Variants in PTPRG observed in about 807,000 individuals in gnomAD.
PTPRG encodes the protein protein tyrosine phosphatase receptor type G.
A neutral mutation model predicts 165.3 loss-of-function variants in PTPRG; 102 were observed. The observed-to-expected ratio is 0.62, with a 90% CI of 0.53 to 0.73. The LOEUF (loss-of-function observed/expected upper bound fraction) is 0.73. Ranked by LOEUF, PTPRG falls within the 30% of genes least tolerant of loss-of-function variation. The probability of loss-of-function intolerance (pLI) is 0.00; values close to 1 mark genes in which losing one functional copy is unlikely to be tolerated. For missense variants in PTPRG, 1,866 were observed against 1,861.4 expected, an observed-to-expected ratio of 1.00 and a Z score of -0.05; for synonymous variants, 675 against 669.5, an observed-to-expected ratio of 1.01 and a Z score of -0.13.
At chr3:61,727,401 C>G (rs1043875864) in intron 1 of PTPRG, among the ~76,000 whole-genome samples, 5 of 151,968 alleles carry the variant, frequency 3.3e-5, no homozygotes, top group Admixed American at 6.6e-5. Context: ...GGTGGTATGC[C>G]CAGCTCAGCC....
intron 2 of PTPRG, among the ~76,000 whole-genome samples, chr3:61,780,394 T>G (rs1044019559): frequency 6.6e-6 from 1 of 152,202 alleles, no homozygotes; most frequent in Non-Finnish European, 1.5e-5. Flanking sequence ...TTCCTGCTTG[T>G]GACTAAATCA....
chr3:61,996,404 G>A (rs771534040), intron 3 of PTPRG, among the ~76,000 whole-genome samples: 20 of 152,146 alleles, frequency 1.3e-4, no homozygotes, highest in Non-Finnish European at 2.5e-4. Context: ...CCATTGTGGA[G>A]TCATCATTCC....
At chr3:61,663,995 A>C (rs1417092364) in intron 1 of PTPRG, among the ~76,000 whole-genome samples, 1 of 152,214 alleles carries the variant, frequency 6.6e-6, no homozygotes, top group Non-Finnish European at 1.5e-5. Context: ...GCACTTACAC[A>C]GTAGGCAGGC....
chr3:62,191,577 A>G lies in PTPRG; in HGVS notation c.1142A>G (p.Tyr381Cys). The change falls in exon 9 of 30, where the codon TAC (tyrosine) becomes TGC (cysteine). Residue 381 changes from tyrosine to cysteine, a missense_variant. Physicochemically the swap from Tyr to Cys is radical, Grantham distance 194. Coordinates refer to ENST00000474889, the MANE Select transcript of PTPRG (RefSeq NM_002841.4). ...ETIYHPPIMN[Y>C]MISYSWTKNE... ...ATCTACCACCCACCCATCATGAACT[A>G]CATGATCTCCTACAGCTGGACCAAG... 1 of 1,613,984 alleles carries G rather than the reference A, an allele frequency of 6.2e-7. No individual in the cohort carries two copies. Among genetic ancestry groups the G allele is most frequent in the Non-Finnish European group, 8.5e-7 (1 of 1,179,854 alleles).
chr3:61,628,141 CCGA>C (rs1381858503), intron 1 of PTPRG, among the ~76,000 whole-genome samples: 1 of 152,096 alleles, frequency 6.6e-6, no homozygotes, highest in African/African-American at 2.4e-5. Flanking sequence ...TGTTGGAGTG[CCGA>C]CTGTGGATTT....
chr3:61,813,523 A>G (rs982963109), intron 2 of PTPRG, among the ~76,000 whole-genome samples: 7 of 142,946 alleles, frequency 4.9e-5, no homozygotes, highest in Non-Finnish European at 7.5e-5. Context: ...CTCAAAAAAA[A>G]AAAAAAGAAA....
chr3:62,050,068 A>G (rs992324427), intron 4 of PTPRG, among the ~76,000 whole-genome samples: 1 of 152,222 alleles, frequency 6.6e-6, no homozygotes. Flanking sequence ...AGTGTCTCTG[A>G]GTAGAGAAAT....
In PTPRG at chr3:62,222,570, C is replaced by G. The variant is rs1271809506; in HGVS notation, c.2288+3587C>G. Among the ~76,000 whole-genome samples, 1 of 152,140 alleles carries G rather than the reference C, an allele frequency of 6.6e-6. No homozygotes were observed. The highest frequency in any genetic ancestry group is 2.4e-5 in the African/African-American group (1 of 41,426). ...TGGAACATTCTTGTCAGGCCTAGGT[C>G]TTATATTTAACTCTGGAGCTCAGAA... On this transcript the variant is annotated intron_variant, in intron 13 of 29. Coordinates refer to ENST00000474889, the MANE Select transcript of PTPRG (RefSeq NM_002841.4). The surrounding 1 kb of genome is among the most constrained non-coding windows in gnomAD (Gnocchi z 4.5).
At chr3:61,665,459 T>TTTAA (rs1702784069) in intron 1 of PTPRG, among the ~76,000 whole-genome samples, 1 of 128,784 alleles carries the variant, frequency 7.8e-6, no homozygotes, top group African/African-American at 3.2e-5. Context: ...GATGGTGAAT[T>TTTAA]GTAAATAAAT....
intron 1 of PTPRG, among the ~76,000 whole-genome samples, chr3:61,715,294 G>C (rs945477496): frequency 6.6e-6 from 1 of 151,186 alleles, no homozygotes; most frequent in African/African-American, 2.4e-5. Context: ...ATGGCTCACT[G>C]TAGCCTCCAC....
At chr3:61,712,398 C>T (rs1181212105) in intron 1 of PTPRG, among the ~76,000 whole-genome samples, 2 of 151,916 alleles carry the variant, frequency 1.3e-5, no homozygotes, top group Non-Finnish European at 2.9e-5. Flanking sequence ...TCCCTTTCTT[C>T]CCCATTGATA....
At chr3:61,971,943 G>A (rs941113573) in intron 2 of PTPRG, among the ~76,000 whole-genome samples, 2 of 152,258 alleles carry the variant, frequency 1.3e-5, no homozygotes, top group African/African-American at 4.8e-5. Context: ...ATTGACCCAT[G>A]TGTATGCAGC....
chr3:62,018,938 T>C (rs903082344), intron 4 of PTPRG, among the ~76,000 whole-genome samples: 14 of 152,044 alleles, frequency 9.2e-5, no homozygotes, highest in Non-Finnish European at 1.5e-4. Context: ...GGTGTGCAAA[T>C]AGAGTGCAAG....
chr3:62,104,172 G>A (rs1702393758), intron 5 of PTPRG, among the ~76,000 whole-genome samples: 1 of 152,052 alleles, frequency 6.6e-6, no homozygotes, highest in African/African-American at 2.4e-5. Flanking sequence ...AACCTTCTAG[G>A]GATTTTTTTG....
chr3:62,181,211 A>C (rs915891112), intron 8 of PTPRG, among the ~76,000 whole-genome samples: 4 of 152,186 alleles, frequency 2.6e-5, no homozygotes, highest in Non-Finnish European at 5.9e-5. Context: ...GCAACTCCGC[A>C]CCAGGGTCCC....
intron 2 of PTPRG, among the ~76,000 whole-genome samples, chr3:61,898,053 C>G (rs991884468): frequency 6.6e-6 from 1 of 151,938 alleles, no homozygotes; most frequent in African/African-American, 2.4e-5. Flanking sequence ...CTCTTTTATG[C>G]CTTATTTTAG....
intron 1 of PTPRG, among the ~76,000 whole-genome samples, chr3:61,588,053 T>G (rs1402466812): frequency 6.6e-6 from 1 of 152,184 alleles, no homozygotes; most frequent in Non-Finnish European, 1.5e-5. Flanking sequence ...AAAGTCTTCT[T>G]AAATTAGGAA....
intron 1 of PTPRG, among the ~76,000 whole-genome samples, chr3:61,657,726 A>G (rs1702546512): frequency 1.3e-5 from 2 of 152,224 alleles, no homozygotes; most frequent in African/African-American, 4.8e-5. Flanking sequence ...GATAAATGAA[A>G]GGATCAGTAG....
At chr3:61,843,275 T>C (rs1318241092) in intron 2 of PTPRG, among the ~76,000 whole-genome samples, 1 of 152,160 alleles carries the variant, frequency 6.6e-6, no homozygotes, top group Non-Finnish European at 1.5e-5. Flanking sequence ...GGGTTTATAC[T>C]GTAAGAAAAA....
Sources: allele counts gnomAD v4.1 joint callset (sites outside exome capture counted in the v4.1 genomes callset), GRCh38; gene constraint gnomAD v4.1.1; non-coding constraint Gnocchi (gnomAD v3.1); transcripts MANE v1.5; gene names NCBI Gene and HGNC (gene_info 2026-07-23, HGNC 2026-07-21).